The following SCRG1 variants were observed in gnomAD, a reference collection of about 807,000 sequenced individuals.
SCRG1 encodes scrapie-responsive protein 1.
Under a neutral mutation model 7.7 loss-of-function variants are expected in SCRG1, and 3 were observed. The ratio of observed to expected loss-of-function variants is 0.39; its 90% confidence interval spans 0.18 to 1.01. The LOEUF is 1.01. SCRG1 is among the 50% of genes least tolerant of loss of function. The pLI is 0.36. For missense variants in SCRG1, 110 were observed against 117.2 expected (o/e 0.94, Z 0.28); for synonymous variants, 46 against 41.2 (o/e 1.12, Z -0.44).
the SCRG1 span, among the ~76,000 whole-genome samples, chr4:173,424,603 T>C: frequency 1.3e-5 from 2 of 152,292 alleles, no homozygotes; most frequent in Non-Finnish European, 2.9e-5. Flanking sequence ...TCTACTATAC[T>C]GTGCTTAAGA....
At chr4:173,517,982 G>A in the SCRG1 span, among the ~76,000 whole-genome samples, 1 of 152,226 alleles carries the variant, frequency 6.6e-6, no homozygotes, top group South Asian at 2.1e-4. Context: ...GCTCCCCAGA[G>A]GCTCTTTTGT....
At chr4:173,492,660 G>T in the SCRG1 span, among the ~76,000 whole-genome samples, 3 of 152,358 alleles carry the variant, frequency 2.0e-5, no homozygotes, top group Non-Finnish European at 4.4e-5. Context: ...CACGAGGCTG[G>T]AGACTAGACA....
At chr4:173,423,279 G>T in the SCRG1 span, among the ~76,000 whole-genome samples, 5 of 152,178 alleles carry the variant, frequency 3.3e-5, no homozygotes, top group African/African-American at 1.2e-4. Flanking sequence ...TTAATGCAAA[G>T]ATAAGGATTC....
At chr4:173,422,452 G>C in the SCRG1 span, among the ~76,000 whole-genome samples, 1 of 152,086 alleles carries the variant, frequency 6.6e-6, no homozygotes, top group Admixed American at 6.6e-5. Context: ...CTATATTCAG[G>C]GTCATGTATT....
the SCRG1 span, among the ~76,000 whole-genome samples, chr4:173,518,812 G>A: frequency 6.6e-6 from 1 of 152,180 alleles, no homozygotes; most frequent in Admixed American, 6.5e-5. Flanking sequence ...GCTGGGCCAA[G>A]GTATTCTCTG....
the SCRG1 span, among the ~76,000 whole-genome samples, chr4:173,512,802 A>G: frequency 2.0e-5 from 3 of 152,334 alleles, no homozygotes; most frequent in South Asian, 2.1e-4. Context: ...TTGGGGAGCA[A>G]GACCCCTCAG....
chr4:173,482,157 G>A, the SCRG1 span, among the ~76,000 whole-genome samples: 7,542 of 152,150 alleles, frequency 0.05, 638 homozygotes, highest in African/African-American at 0.17. Flanking sequence ...AATGGAAATG[G>A]CATGGGACTG....
At chr4:173,453,306 C>G in the SCRG1 span, among the ~76,000 whole-genome samples, 12 of 152,270 alleles carry the variant, frequency 7.9e-5, 1 homozygote, top group Middle Eastern at 3.4e-3. Context: ...AGTCAGTATC[C>G]CTGCTGGCAA....
chr4:173,447,788 C>T, the SCRG1 span, among the ~76,000 whole-genome samples: 1 of 152,112 alleles, frequency 6.6e-6, no homozygotes, highest in East Asian at 1.9e-4. Flanking sequence ...CTGCTGTGTA[C>T]CAAAGCATGA....
the SCRG1 span, chr4:173,419,157 C>G: frequency 3.3e-6 from 1 of 302,150 alleles, no homozygotes; most frequent in Non-Finnish European, 6.2e-6. Flanking sequence ...CTGCAGTGTA[C>G]TTCTCCAGCT....
chr4:173,391,974 G>A (rs936151151), intron 1 of SCRG1, among the ~76,000 whole-genome samples: 10 of 152,194 alleles, frequency 6.6e-5, no homozygotes, highest in Non-Finnish European at 1.2e-4. Flanking sequence ...GCTGCAATCT[G>A]CATTTAAGAA....
the SCRG1 span, among the ~76,000 whole-genome samples, chr4:173,485,070 T>TATATA: frequency 7.0e-4 from 5 of 7,164 alleles, no homozygotes; most frequent in Non-Finnish European, 1.5e-3. Context: ...TATTATATAT[T>TATATA]ATATATTATA....
chr4:173,426,889 A>T, the SCRG1 span, among the ~76,000 whole-genome samples: 6 of 152,226 alleles, frequency 3.9e-5, no homozygotes, highest in African/African-American at 1.4e-4. Flanking sequence ...TTGCAGATCA[A>T]TGGCTCTCTG....
the SCRG1 span, among the ~76,000 whole-genome samples, chr4:173,499,540 C>T: frequency 6.6e-6 from 1 of 152,222 alleles, no homozygotes; most frequent in Non-Finnish European, 1.5e-5. This position sits in a 1 kb window ranked among gnomAD's most constrained non-coding sequence, Gnocchi z 4.1. Context: ...CTATTGCCTT[C>T]ACCTAGTTCA....
the SCRG1 span, among the ~76,000 whole-genome samples, chr4:173,466,992 A>G: frequency 2.4e-4 from 36 of 152,238 alleles, no homozygotes; most frequent in African/African-American, 8.4e-4. Flanking sequence ...GAATGTTATT[A>G]GTTATGAGTT....
the SCRG1 span, among the ~76,000 whole-genome samples, chr4:173,515,109 C>T: frequency 6.6e-6 from 1 of 152,092 alleles, no homozygotes; most frequent in Non-Finnish European, 1.5e-5. The surrounding 1 kb of genome is among the most constrained non-coding windows in gnomAD (Gnocchi z 4.6). Flanking sequence ...AAAAAGGTGG[C>T]AACTGGGGGA....
chr4:173,500,402 AC>A, the SCRG1 span, among the ~76,000 whole-genome samples: 1 of 152,176 alleles, frequency 6.6e-6, no homozygotes, highest in Admixed American at 6.5e-5. Context: ...CGCAGGAAAT[AC>A]GGGCGAAGGA....
the SCRG1 span, among the ~76,000 whole-genome samples, chr4:173,444,221 G>A: frequency 2.6e-5 from 4 of 152,044 alleles, no homozygotes; most frequent in South Asian, 6.2e-4. Flanking sequence ...TGATTCACCC[G>A]CCTCGGCCTC....
At chr4:173,433,524 G>A in the SCRG1 span, among the ~76,000 whole-genome samples, 1 of 152,214 alleles carries the variant, frequency 6.6e-6, no homozygotes, top group Non-Finnish European at 1.5e-5. Flanking sequence ...GCTGTGTGAT[G>A]CAGGGGCCAA....
Sources: allele counts gnomAD v4.1 joint callset (sites outside exome capture counted in the v4.1 genomes callset), GRCh38; gene constraint gnomAD v4.1.1; non-coding constraint Gnocchi (gnomAD v3.1); transcripts MANE v1.5; gene names NCBI Gene and HGNC (gene_info 2026-07-23, HGNC 2026-07-21).